RAP1GDS1: variants seen among roughly 807,000 people sequenced by gnomAD.
RAP1GDS1 encodes the protein RAP1, GTP-GDP dissociation stimulator 1.
Under a neutral mutation model 71.1 loss-of-function variants are expected in RAP1GDS1, and 35 were observed. The observed-to-expected ratio is 0.49, with a 90% confidence interval of 0.38 to 0.65. The LOEUF is 0.65. RAP1GDS1 is among the 30% of genes least tolerant of loss of function. The probability of loss-of-function intolerance (pLI) is 0.00; values close to 1 mark genes in which losing one functional copy is unlikely to be tolerated. For synonymous variants in RAP1GDS1, 229 were observed against 243.1 expected (o/e 0.94, Z 0.54); for missense variants, 663 against 706.1 (o/e 0.94, Z 0.69).
intron 2 of RAP1GDS1, among the ~76,000 whole-genome samples, chr4:98,294,669 AG>A (rs1727453939): frequency 6.6e-6 from 1 of 152,132 alleles, no homozygotes; most frequent in African/African-American, 2.4e-5. Flanking sequence ...AAAATGTAAA[AG>A]GAAGTTCCTT....
chr4:98,326,978 G>A (rs1369369906), intron 2 of RAP1GDS1, among the ~76,000 whole-genome samples: 1 of 152,154 alleles, frequency 6.6e-6, no homozygotes, highest in Non-Finnish European at 1.5e-5. Context: ...AAGTTGAGGA[G>A]ATCTCAGAGA....
chr4:98,389,689 G>A lies in RAP1GDS1; in HGVS notation c.509-2263G>A, dbSNP rs115339841. On this transcript the variant is annotated intron_variant, in intron 5 of 14. Coordinates refer to ENST00000408927, the MANE Select transcript of RAP1GDS1 (RefSeq NM_001100427.2). ...CAAATATTACTGCTTCAATTTGTAT[G>A]CCAAAGATTGTATTAAGCGCTATAA... Among the ~76,000 whole-genome samples the A allele has an allele frequency of 3.2e-3, 483 of 152,218 alleles. 1 individual carries two copies. Among genetic ancestry groups the A allele is most frequent in the African/African-American group, 0.011 (464 of 41,532 alleles).
chr4:98,295,875 A>G (rs1727662588), intron 2 of RAP1GDS1, among the ~76,000 whole-genome samples: 1 of 152,076 alleles, frequency 6.6e-6, no homozygotes, highest in South Asian at 2.1e-4. Context: ...AAGTCAGCAT[A>G]TGCCTTTTTA....
intron 2 of RAP1GDS1, among the ~76,000 whole-genome samples, chr4:98,329,854 TG>T (rs147190521): frequency 0.025 from 3,834 of 151,490 alleles, 81 homozygotes; most frequent in South Asian, 0.037. Context: ...TGTAAATACT[TG>T]TTTTTTATTC....
intron 7 of RAP1GDS1, among the ~76,000 whole-genome samples, chr4:98,408,854 A>G (rs1038360816): frequency 5.3e-5 from 8 of 152,172 alleles, no homozygotes; most frequent in African/African-American, 9.6e-5. Flanking sequence ...ATTATTTTTA[A>G]AAACTTAGGA....
chr4:98,263,925 C>T (rs1000801750), intron 1 of RAP1GDS1, among the ~76,000 whole-genome samples: 2 of 152,134 alleles, frequency 1.3e-5, no homozygotes, highest in South Asian at 4.1e-4. Flanking sequence ...AATGGTAAGG[C>T]AGTTTCATGT....
At chr4:98,368,139 A>G (rs1473771673) in intron 4 of RAP1GDS1, among the ~76,000 whole-genome samples, 2 of 152,092 alleles carry the variant, frequency 1.3e-5, no homozygotes, top group Admixed American at 6.5e-5. Context: ...CATGATAGTA[A>G]GTCTCATGAG....
At chr4:98,298,673 C>T (rs1437794480) in intron 2 of RAP1GDS1, among the ~76,000 whole-genome samples, 1 of 152,172 alleles carries the variant, frequency 6.6e-6, no homozygotes, top group Non-Finnish European at 1.5e-5. Context: ...TGCACCTGGT[C>T]ACCCAAGAGC....
At chr4:98,310,223 A>G (rs1286791948) in intron 2 of RAP1GDS1, among the ~76,000 whole-genome samples, 3 of 152,112 alleles carry the variant, frequency 2.0e-5, no homozygotes, top group African/African-American at 7.2e-5. Context: ...GTATGTGCCA[A>G]ACATTGTGCT....
chr4:98,325,644 T>C (rs1190140475), intron 2 of RAP1GDS1, among the ~76,000 whole-genome samples: 1 of 150,048 alleles, frequency 6.7e-6, no homozygotes, highest in Non-Finnish European at 1.5e-5. Flanking sequence ...AAATTGGAAA[T>C]CATCATTCTC....
intron 2 of RAP1GDS1, among the ~76,000 whole-genome samples, chr4:98,319,959 C>T (rs1190097136): frequency 6.6e-6 from 1 of 152,096 alleles, no homozygotes; most frequent in Non-Finnish European, 1.5e-5. Context: ...TCATCTTCCT[C>T]CACAGCCTAC....
chr4:98,266,160 CAT>C (rs534097339), intron 1 of RAP1GDS1, among the ~76,000 whole-genome samples: 91 of 152,078 alleles, frequency 6.0e-4, no homozygotes, highest in East Asian at 4.8e-3. Context: ...CATGGAAGGA[CAT>C]GTGCTGTTTT....
At chr4:98,313,701 G>T (rs1259192701) in intron 2 of RAP1GDS1, among the ~76,000 whole-genome samples, 2 of 151,988 alleles carry the variant, frequency 1.3e-5, no homozygotes, top group African/African-American at 2.4e-5. Context: ...TAAAACATTG[G>T]CCAGGCATGG....
intron 2 of RAP1GDS1, among the ~76,000 whole-genome samples, chr4:98,308,959 C>A (rs974782761): frequency 6.6e-6 from 1 of 151,996 alleles, no homozygotes; most frequent in Admixed American, 6.6e-5. Flanking sequence ...CGTATTATAT[C>A]AGCCTTTAAA....
intron 6 of RAP1GDS1, among the ~76,000 whole-genome samples, chr4:98,404,160 C>G (rs1745811151): frequency 6.6e-6 from 1 of 151,996 alleles, no homozygotes; most frequent in African/African-American, 2.4e-5. Context: ...TTTAATTCAT[C>G]CATATAAAAT....
chr4:98,334,829 A>C (rs1454724545), intron 2 of RAP1GDS1, among the ~76,000 whole-genome samples: 3 of 146,544 alleles, frequency 2.0e-5, no homozygotes, highest in African/African-American at 7.7e-5. Context: ...GTCCTTTAAT[A>C]CTTTTTTTTT....
chr4:98,312,474 A>G (rs1250585931), intron 2 of RAP1GDS1, among the ~76,000 whole-genome samples: 1 of 152,150 alleles, frequency 6.6e-6, no homozygotes, highest in Non-Finnish European at 1.5e-5. Flanking sequence ...TAACTGTCAT[A>G]TTCCTTATTT....
intron 3 of RAP1GDS1, among the ~76,000 whole-genome samples, chr4:98,347,169 A>T (rs899128387): frequency 6.6e-6 from 1 of 152,160 alleles, no homozygotes; most frequent in African/African-American, 2.4e-5. Context: ...GAGAAAGTAG[A>T]TGTTAGGTTT....
chr4:98,342,887 G>T (rs189214420), intron 2 of RAP1GDS1, among the ~76,000 whole-genome samples: 2 of 152,256 alleles, frequency 1.3e-5, no homozygotes, highest in East Asian at 3.9e-4. Context: ...TATTCAGAAA[G>T]AACTTCTTTA....
Sources: allele counts gnomAD v4.1 joint callset (sites outside exome capture counted in the v4.1 genomes callset), GRCh38; gene constraint gnomAD v4.1.1; transcripts MANE v1.5; gene names NCBI Gene and HGNC (gene_info 2026-07-23, HGNC 2026-07-21).